Variants in RABGAP1L observed in about 807,000 individuals in gnomAD.
The protein encoded by RABGAP1L is RAB GTPase activating protein 1 like.
RABGAP1L carries 63 observed loss-of-function variants against 137.7 expected under a neutral mutation model. The ratio of observed to expected loss-of-function variants is 0.46; its 90% CI spans 0.37 to 0.56. The LOEUF (loss-of-function observed/expected upper bound fraction) is 0.56, where lower values mean the gene tolerates loss of function less well. Ranked by LOEUF, RABGAP1L falls within the 20% of genes least tolerant of loss-of-function variation. The pLI is 0.00. For synonymous variants in RABGAP1L, 431 were observed against 433.7 expected (o/e 0.99, Z 0.08); for missense variants, 1,095 against 1,244.0 (o/e 0.88, Z 1.80).
chr1:174,508,216 A>G (rs1662010622), intron 13 of RABGAP1L, among the ~76,000 whole-genome samples: 1 of 152,154 alleles, frequency 6.6e-6, no homozygotes, highest in Non-Finnish European at 1.5e-5. Context: ...TTGTTGCTGT[A>G]AAACAAGCCC....
At chr1:174,700,945 A>G in intron 16 of RABGAP1L, 1 of 712,298 alleles carries the variant, frequency 1.4e-6, no homozygotes, top group Non-Finnish European at 2.0e-6. Flanking sequence ...AAGAACCTCA[A>G]CCACATTTTT....
chr1:174,788,792 A>G (rs1280786876), intron 18 of RABGAP1L, among the ~76,000 whole-genome samples: 1 of 152,048 alleles, frequency 6.6e-6, no homozygotes, highest in Non-Finnish European at 1.5e-5. Context: ...GCTTACTGGA[A>G]CCTCCATCTC....
At chr1:174,892,493 T>C (rs1403146735) in intron 19 of RABGAP1L, 25 of 478,978 alleles carry the variant, frequency 5.2e-5, no homozygotes, top group Non-Finnish European at 7.1e-5. Context: ...TTTTCTACTT[T>C]GTAAGTTACT....
chr1:174,258,375 C>G (rs920898587), intron 7 of RABGAP1L, among the ~76,000 whole-genome samples: 1 of 152,164 alleles, frequency 6.6e-6, no homozygotes, highest in African/African-American at 2.4e-5. Context: ...TCTTTCATTG[C>G]CTAGGCTCAA....
chr1:174,901,492 G>A (rs1658134376), intron 19 of RABGAP1L, among the ~76,000 whole-genome samples: 1 of 152,096 alleles, frequency 6.6e-6, no homozygotes, highest in African/African-American at 2.4e-5. Context: ...ACAGGATGAG[G>A]GAAACTACCC....
chr1:174,659,976 A>C (rs1350032537), intron 14 of RABGAP1L, among the ~76,000 whole-genome samples: 1 of 152,192 alleles, frequency 6.6e-6, no homozygotes, highest in East Asian at 1.9e-4. Context: ...ATTAACCCAC[A>C]ACACGGTTTG....
At chr1:174,597,455 T>A (rs1482045124) in intron 13 of RABGAP1L, among the ~76,000 whole-genome samples, 1 of 152,180 alleles carries the variant, frequency 6.6e-6, no homozygotes, top group Non-Finnish European at 1.5e-5. Flanking sequence ...GTTATATGTG[T>A]CTAGGAATTT....
At chr1:174,946,178 C>T (rs1666732097) in intron 19 of RABGAP1L, among the ~76,000 whole-genome samples, 1 of 152,160 alleles carries the variant, frequency 6.6e-6, no homozygotes, top group Non-Finnish European at 1.5e-5. Flanking sequence ...GCATTAACAG[C>T]ACCTCCATCC....
At chr1:174,314,060 T>C (rs913465909) in intron 11 of RABGAP1L, among the ~76,000 whole-genome samples, 2 of 152,218 alleles carry the variant, frequency 1.3e-5, no homozygotes, top group South Asian at 4.1e-4. Flanking sequence ...CCTCGTCCTC[T>C]GTTTTGCAGT....
At chr1:174,712,050 C>G (rs1296462880) in intron 17 of RABGAP1L, among the ~76,000 whole-genome samples, 1 of 152,146 alleles carries the variant, frequency 6.6e-6, no homozygotes, top group Non-Finnish European at 1.5e-5. Flanking sequence ...CCAGTCAGCA[C>G]TTTGTGTCTA....
intron 17 of RABGAP1L, among the ~76,000 whole-genome samples, chr1:174,713,572 G>C (rs979957906): frequency 6.6e-6 from 1 of 152,094 alleles, no homozygotes; most frequent in African/African-American, 2.4e-5. Flanking sequence ...CCCTGCTCTC[G>C]TTTACTCTCT....
rs1016369198 is a variant in RABGAP1L at position 174,323,415 on chromosome 1, G to A, written c.1465+18288G>A. On this transcript the variant is annotated intron_variant, in intron 11 of 25. Coordinates refer to ENST00000681986, the MANE Select transcript of RABGAP1L (RefSeq NM_001366446.1). Reference sequence around the variant, plus strand: ...TAAAGATACTCTCCTTTAAATCACTGAATCTATATAACTACACTCTTAATT... The same window carrying A: ...TAAAGATACTCTCCTTTAAATCACTAAATCTATATAACTACACTCTTAATT... Among the ~76,000 whole-genome samples the A allele has an allele frequency of 7.2e-5, 11 of 151,914 alleles. 1 individual carries two copies. Among genetic ancestry groups the A allele is most frequent in the Admixed American group, 5.2e-4 (8 of 15,244 alleles).
At chr1:174,172,457 T>C (rs1665498110) in intron 1 of RABGAP1L, among the ~76,000 whole-genome samples, 1 of 152,234 alleles carries the variant, frequency 6.6e-6, no homozygotes, top group South Asian at 2.1e-4. Context: ...TGTAGCAATT[T>C]ACATTTTCAA....
intron 13 of RABGAP1L, among the ~76,000 whole-genome samples, chr1:174,494,656 G>A (rs1380607591): frequency 1.3e-5 from 2 of 152,078 alleles, no homozygotes; most frequent in South Asian, 2.1e-4. Context: ...ATTCCTAACA[G>A]CCAAAATCTC....
intron 19 of RABGAP1L, among the ~76,000 whole-genome samples, chr1:174,909,457 G>A (rs1168452546): frequency 2.0e-5 from 3 of 152,134 alleles, no homozygotes. Context: ...GAACTGCTGA[G>A]CTCAAGCTAT....
At chr1:174,444,060 G>A (rs938294908) in intron 13 of RABGAP1L, among the ~76,000 whole-genome samples, 8 of 151,762 alleles carry the variant, frequency 5.3e-5, no homozygotes, top group Admixed American at 2.6e-4. Flanking sequence ...CCAATATCAT[G>A]CTGTTTTGGT....
intron 13 of RABGAP1L, among the ~76,000 whole-genome samples, chr1:174,446,046 G>A (rs986233469): frequency 6.6e-6 from 1 of 152,182 alleles, no homozygotes; most frequent in South Asian, 2.1e-4. Flanking sequence ...CAGGAGGGCC[G>A]AGTCACCTTT....
intron 19 of RABGAP1L, among the ~76,000 whole-genome samples, chr1:174,826,202 C>T (rs7411689): frequency 0.12 from 17,818 of 152,204 alleles, 1,360 homozygotes; most frequent in South Asian, 0.17. Flanking sequence ...GTTGCATCCA[C>T]GTTGCTGCAG....
chr1:174,477,317 T>C (rs1428092588), intron 13 of RABGAP1L, among the ~76,000 whole-genome samples: 2 of 152,184 alleles, frequency 1.3e-5, no homozygotes, highest in Non-Finnish European at 1.5e-5. Flanking sequence ...TCACTGTGCT[T>C]CTTAGCATCT....
Sources: allele counts gnomAD v4.1 joint callset (sites outside exome capture counted in the v4.1 genomes callset), GRCh38; gene constraint gnomAD v4.1.1; transcripts MANE v1.5; gene names NCBI Gene and HGNC (gene_info 2026-07-23, HGNC 2026-07-21).